Variants in ABCC4 observed in about 807,000 individuals in gnomAD.
ABCC4 encodes ATP binding cassette subfamily C member 4 (PEL blood group).
In ABCC4, 102 loss-of-function variants were observed where a neutral mutation model predicts 168.5. The ratio of observed to expected loss-of-function variants is 0.61; its 90% CI spans 0.52 to 0.71. The LOEUF (loss-of-function observed/expected upper bound fraction) is 0.71, where lower values mean the gene tolerates loss of function less well. ABCC4 is among the 30% of genes least tolerant of loss of function. The probability of loss-of-function intolerance (pLI) is 0.00; values close to 1 mark genes in which losing one functional copy is unlikely to be tolerated. For missense variants in ABCC4, 1,402 were observed against 1,605.8 expected (o/e 0.87, Z 2.17); for synonymous variants, 617 against 590.7 (o/e 1.04, Z -0.65).
chr13:95,034,551 G>A (rs966020800), intron 30 of ABCC4, 54 bp downstream of exon 30: 1 of 1,586,302 alleles, frequency 6.3e-7, no homozygotes, highest in Non-Finnish European at 8.5e-7. Flanking sequence ...GCCAAATTGT[G>A]CGGAGGGAGC....
intron 1 of ABCC4, among the ~76,000 whole-genome samples, chr13:95,282,974 T>C (rs1330776148): frequency 6.6e-6 from 1 of 151,970 alleles, no homozygotes; most frequent in African/African-American, 2.4e-5. Flanking sequence ...TCCCAGCACT[T>C]TGGGATCCCA....
chr13:95,050,995 C>G (rs776032790), intron 27 of ABCC4, among the ~76,000 whole-genome samples: 3 of 152,202 alleles, frequency 2.0e-5, no homozygotes, highest in Non-Finnish European at 2.9e-5. Context: ...ACTATTAAAC[C>G]TGTCCTGAGA....
intron 4 of ABCC4, among the ~76,000 whole-genome samples, chr13:95,230,221 C>T (rs971374761): frequency 2.0e-5 from 3 of 152,120 alleles, no homozygotes; most frequent in Non-Finnish European, 2.9e-5. Context: ...CACAGAGTTC[C>T]GAGGAACCTG....
At chr13:95,037,579 T>TA (rs1296471048) in intron 29 of ABCC4, among the ~76,000 whole-genome samples, 1 of 152,232 alleles carries the variant, frequency 6.6e-6, no homozygotes, top group Non-Finnish European at 1.5e-5. Context: ...AACCCGGGTG[T>TA]AAACCTGTCT....
intron 29 of ABCC4, among the ~76,000 whole-genome samples, chr13:95,036,779 G>GA (rs1312238684): frequency 6.6e-6 from 1 of 151,636 alleles, no homozygotes; most frequent in Non-Finnish European, 1.5e-5. Flanking sequence ...ATATTTTTTT[G>GA]ATATGCATTA....
In ABCC4 at chr13:95,071,765, G is replaced by A. The variant is rs972711951; in HGVS notation, c.3107C>T (p.Pro1036Leu). ...EYQKRPPPAW[P>L]HEGVIIFDNV... ...GTCAAAGATTATCACTCCTTCATGG[G>A]GCCAGGCTGGTGGTGGGCGTTTCTG... The change falls in exon 25 of 31, where the codon CCC (proline) becomes CTC (leucine). Residue 1036 changes from proline to leucine, a missense_variant. Around this residue, in one of 3 missense-constraint regions of ABCC4, gnomAD observed 1,007 missense variants for 1,127.3 expected, o/e 0.89. Transcript: ENST00000645237. 1 of 1,607,804 alleles carries A rather than the reference G, an allele frequency of 6.2e-7. No individual in the cohort carries two copies.
rs765461340 is a variant in ABCC4 at position 95,186,801 on chromosome 13, G to A, written c.1445C>T (p.Pro482Leu). ...CCTCAGAGTTCCCGAGAACACCCAG[G>A]GCTGCTGAGACACATAGGCAATTCT... ...HGRIAYVSQQ[P>L]WVFSGTLRSN... The change falls in exon 11 of 31, where the codon CCC becomes CTC. Residue 482 changes from proline (P) to leucine (L), a missense_variant. Coordinates refer to ENST00000645237, the MANE Select transcript of ABCC4 (RefSeq NM_005845.5). 6.2e-7 allele frequency: 1 copy of A among 1,613,922 alleles called. No individual in the cohort carries two copies. The highest frequency in any genetic ancestry group is 8.5e-7 in the Non-Finnish European group (1 of 1,179,984).
At chr13:95,299,344 G>A (rs567492945) in intron 1 of ABCC4, among the ~76,000 whole-genome samples, 63 of 150,798 alleles carry the variant, frequency 4.2e-4, no homozygotes, top group Middle Eastern at 3.5e-3. Flanking sequence ...ATTATTTGCA[G>A]AAACCACACC....
chr13:95,069,883 GC>G (rs2033669233), intron 25 of ABCC4, among the ~76,000 whole-genome samples: 1 of 152,254 alleles, frequency 6.6e-6, no homozygotes, highest in South Asian at 2.1e-4. Flanking sequence ...CACTTGGGCT[GC>G]TTCCACCTAC....
chr13:95,090,260 C>T (rs1405621652), intron 20 of ABCC4, among the ~76,000 whole-genome samples: 4 of 152,192 alleles, frequency 2.6e-5, no homozygotes, highest in Non-Finnish European at 5.9e-5. Context: ...CCTCTTCATG[C>T]TACCACAGCT....
chr13:95,185,509 T>C (rs1210154030), intron 11 of ABCC4, among the ~76,000 whole-genome samples: 2 of 152,198 alleles, frequency 1.3e-5, no homozygotes, highest in Admixed American at 6.5e-5. Context: ...ATTCCAGCCA[T>C]TGTTCAAGCA....
chr13:95,189,224 T>C (rs1447172229), intron 9 of ABCC4, among the ~76,000 whole-genome samples: 3 of 142,868 alleles, frequency 2.1e-5, no homozygotes, highest in African/African-American at 5.3e-5. Flanking sequence ...AGCTCCGCCT[T>C]CCGGGTTCAC....
chr13:95,206,898 T>C (rs1258409339), intron 7 of ABCC4, 117 bp from the exon 8 acceptor site: 1 of 1,232,308 alleles, frequency 8.1e-7, no homozygotes, highest in Non-Finnish European at 1.1e-6. Flanking sequence ...ACCCAGGAGT[T>C]TGAGACCATC....
At chr13:95,149,273 G>A (rs1013595034) in intron 19 of ABCC4, among the ~76,000 whole-genome samples, 1 of 152,242 alleles carries the variant, frequency 6.6e-6, no homozygotes, top group Non-Finnish European at 1.5e-5. Context: ...ACAGGACCAC[G>A]TCAAGACTAA....
At chr13:95,278,431 G>A (rs10508017) in intron 1 of ABCC4, among the ~76,000 whole-genome samples, 52,346 of 151,946 alleles carry the variant, frequency 0.34, 11,098 homozygotes, top group Non-Finnish European at 0.48. Context: ...TGAAAAGGAT[G>A]ACTGAAACGG....
intron 3 of ABCC4, among the ~76,000 whole-genome samples, chr13:95,245,047 A>G (rs985690426): frequency 2.6e-5 from 4 of 152,028 alleles, no homozygotes; most frequent in African/African-American, 9.7e-5. Flanking sequence ...GGAGAAATTC[A>G]CGCTTCTACA....
At chr13:95,128,328 G>T (rs1254828764) in intron 19 of ABCC4, among the ~76,000 whole-genome samples, 1 of 152,176 alleles carries the variant, frequency 6.6e-6, no homozygotes, top group Non-Finnish European at 1.5e-5. Flanking sequence ...TAAACCTCCT[G>T]TGCCACACAA....
chr13:95,041,983 C>G (rs1566365815), intron 29 of ABCC4, among the ~76,000 whole-genome samples: 1 of 152,146 alleles, frequency 6.6e-6, no homozygotes, highest in Non-Finnish European at 1.5e-5. Context: ...TTTATACCTC[C>G]TGGTAGGACC....
intron 26 of ABCC4, 139 bp downstream of exon 26, chr13:95,062,565 T>C (rs2033340023): frequency 1.4e-6 from 1 of 738,496 alleles, no homozygotes; most frequent in South Asian, 2.0e-5. Flanking sequence ...GTTGAAAATA[T>C]CTGCTCATAA....
Sources: gnomAD v4.1 joint callset for allele counts (sites outside exome capture counted in the v4.1 genomes callset) on GRCh38, gnomAD v4.1.1 for gene constraint, gnomAD v4.1.1 regional missense constraint, MANE v1.5 for transcripts, NCBI Gene and HGNC (gene_info 2026-07-23, HGNC 2026-07-21) for gene names.